FGF12: variants seen among roughly 807,000 people sequenced by gnomAD.
FGF12 encodes fibroblast growth factor 12B.
FGF12 carries 14 observed loss-of-function variants against 23.6 expected under a neutral mutation model. The observed-to-expected ratio is 0.59, with a 90% CI of 0.39 to 0.93. The LOEUF (loss-of-function observed/expected upper bound fraction) is 0.93. Among genes scored for constraint, FGF12 ranks in the 40% least tolerant of loss-of-function variants. The pLI, the probability that FGF12 is intolerant of heterozygous loss-of-function variation, is 0.00. For synonymous variants in FGF12, 62 were observed against 77.3 expected (o/e 0.80, Z 1.04); for missense variants, 175 against 217.8 (o/e 0.80, Z 1.24).
rs1396729428 is a variant in FGF12, at chr3:192,154,798, C to G, written c.428-10671G>C. On this transcript the variant is annotated intron_variant, in intron 5 of 5. Coordinates refer to ENST00000445105, the MANE Select transcript of FGF12 (RefSeq NM_004113.6). ...CTGTGCCCTGCCCCCAGAGGTGGAGCCTACAGAGGCAGGCAGGCCTCCTTG... is the reference window on the plus strand; with the variant it reads ...CTGTGCCCTGCCCCCAGAGGTGGAGGCTACAGAGGCAGGCAGGCCTCCTTG... 4.1e-5 allele frequency among the ~76,000 whole-genome samples: 6 copies of G among 147,200 alleles called. No individual in the cohort carries two copies. In the South Asian group the frequency reaches 1.4e-3, roughly 34 times the overall value.
At chr3:192,517,621 G>A (rs1386389648) in intron 2 of FGF12, among the ~76,000 whole-genome samples, 1 of 152,124 alleles carries the variant, frequency 6.6e-6, no homozygotes, top group Non-Finnish European at 1.5e-5. Context: ...TGAGTTCAGA[G>A]GGCACGTAAC....
At chr3:192,583,404 C>T (rs897313174) in intron 2 of FGF12, among the ~76,000 whole-genome samples, 6 of 152,096 alleles carry the variant, frequency 3.9e-5, no homozygotes, top group Non-Finnish European at 7.4e-5. Flanking sequence ...ATACTGTTAC[C>T]GGTCCTAAAA....
intron 4 of FGF12, among the ~76,000 whole-genome samples, chr3:192,308,931 T>C (rs1215278086): frequency 6.6e-6 from 1 of 152,140 alleles, no homozygotes; most frequent in Non-Finnish European, 1.5e-5. Context: ...CACTTACTTT[T>C]CCTATGAGAC....
intron 2 of FGF12, among the ~76,000 whole-genome samples, chr3:192,446,988 G>A (rs1290724010): frequency 6.6e-6 from 1 of 152,166 alleles, no homozygotes; most frequent in Non-Finnish European, 1.5e-5. Flanking sequence ...AACTTTAGCA[G>A]CAATAATACT....
chr3:192,565,381 A>T (rs1712228449), intron 2 of FGF12, among the ~76,000 whole-genome samples: 1 of 152,254 alleles, frequency 6.6e-6, no homozygotes, highest in Admixed American at 6.5e-5. Flanking sequence ...ACTGATGTGA[A>T]TTCGCTCATT....
chr3:192,419,386 A>G (rs541552571), intron 2 of FGF12, among the ~76,000 whole-genome samples: 12 of 152,238 alleles, frequency 7.9e-5, no homozygotes, highest in African/African-American at 2.4e-4. Flanking sequence ...TGTTTGAAGA[A>G]CTTGAGTATT....
intron 2 of FGF12, among the ~76,000 whole-genome samples, chr3:192,426,511 C>T (rs1409115651): frequency 2.6e-5 from 4 of 152,146 alleles, no homozygotes; most frequent in Admixed American, 2.0e-4. Context: ...TATTAGGCTT[C>T]AAATTTGGAA....
At chr3:192,372,031 A>G (rs1191557803) in intron 2 of FGF12, among the ~76,000 whole-genome samples, 2 of 152,212 alleles carry the variant, frequency 1.3e-5, no homozygotes, top group Non-Finnish European at 2.9e-5. Flanking sequence ...CTGTCACAAA[A>G]AAAAGTGGCG....
At chr3:192,677,047 C>T (rs961227952) in intron 2 of FGF12, among the ~76,000 whole-genome samples, 1 of 152,200 alleles carries the variant, frequency 6.6e-6, no homozygotes, top group African/African-American at 2.4e-5. Context: ...ACTCATCTGC[C>T]ATATGGATTT....
intron 2 of FGF12, among the ~76,000 whole-genome samples, chr3:192,565,119 A>G (rs565236984): frequency 1.3e-5 from 2 of 152,270 alleles, no homozygotes; most frequent in Non-Finnish European, 2.9e-5. Context: ...TTCTCTGATT[A>G]ATGCATAGAC....
chr3:192,537,334 G>A (rs1317957305), intron 2 of FGF12, among the ~76,000 whole-genome samples: 1 of 151,960 alleles, frequency 6.6e-6, no homozygotes, highest in Non-Finnish European at 1.5e-5. Flanking sequence ...GGGATTGTGG[G>A]ATCATATGGT....
At chr3:192,571,835 G>A (rs934294147) in intron 2 of FGF12, among the ~76,000 whole-genome samples, 1 of 152,000 alleles carries the variant, frequency 6.6e-6, no homozygotes, top group African/African-American at 2.4e-5. Flanking sequence ...AATCTATCTC[G>A]ATCTCACAAT....
intron 2 of FGF12, among the ~76,000 whole-genome samples, chr3:192,523,899 T>G (rs1044442282): frequency 1.3e-5 from 2 of 152,136 alleles, no homozygotes; most frequent in Admixed American, 1.3e-4. Flanking sequence ...TAAAACCACA[T>G]AGCAGTATCA....
intron 2 of FGF12, among the ~76,000 whole-genome samples, chr3:192,438,175 A>T (rs887136088): frequency 1.3e-5 from 2 of 152,190 alleles, no homozygotes; most frequent in Non-Finnish European, 2.9e-5. Flanking sequence ...ATTGTCCTTT[A>T]AAAAATCTCA....
intron 5 of FGF12, among the ~76,000 whole-genome samples, chr3:192,146,131 C>G (rs1385585997): frequency 6.6e-6 from 1 of 152,120 alleles, no homozygotes. Flanking sequence ...CTGCAGGTCA[C>G]CCCACAGATT....
chr3:192,680,197 A>G (rs1233459865), intron 2 of FGF12, among the ~76,000 whole-genome samples: 2 of 152,208 alleles, frequency 1.3e-5, no homozygotes, highest in Non-Finnish European at 2.9e-5. Flanking sequence ...GGTCCTCAGA[A>G]AAGTCTGGAA....
At chr3:192,275,552 A>C (rs1411389055) in intron 4 of FGF12, among the ~76,000 whole-genome samples, 1 of 152,220 alleles carries the variant, frequency 6.6e-6, no homozygotes, top group Non-Finnish European at 1.5e-5. Context: ...TTAGAATTAT[A>C]TCTACCTGTT....
At chr3:192,493,785 C>T (rs996339498) in intron 2 of FGF12, among the ~76,000 whole-genome samples, 1 of 152,122 alleles carries the variant, frequency 6.6e-6, no homozygotes, top group African/African-American at 2.4e-5. Context: ...AAGAACAGCA[C>T]CAAGGGGGAT....
intron 2 of FGF12, among the ~76,000 whole-genome samples, chr3:192,590,643 TG>T (rs1033775399): frequency 6.6e-6 from 1 of 151,964 alleles, no homozygotes; most frequent in Non-Finnish European, 1.5e-5. Context: ...GACTTCCTTT[TG>T]CTTCAAGGCC....
Sources: gnomAD v4.1 joint callset for allele counts (sites outside exome capture counted in the v4.1 genomes callset) on GRCh38, gnomAD v4.1.1 for gene constraint, MANE v1.5 for transcripts, NCBI Gene and HGNC (gene_info 2026-07-23, HGNC 2026-07-21) for gene names.